Variants in SERPINI2 observed in about 807,000 individuals in gnomAD.
The protein encoded by SERPINI2 is serpin I2.
In SERPINI2, 48 loss-of-function variants were observed where a neutral mutation model predicts 47.3. The observed-to-expected ratio is 1.02, with a 90% CI of 0.81 to 1.29. SERPINI2 has a LOEUF of 1.29. SERPINI2 is among the 50% of genes most tolerant of loss of function. SERPINI2 has a pLI of 0.00. For missense variants in SERPINI2, 448 were observed against 456.9 expected (o/e 0.98, Z 0.18); for synonymous variants, 135 against 149.3 (o/e 0.90, Z 0.70).
chr3:167,457,151 A>G (rs1258492783), intron 5 of SERPINI2, among the ~76,000 whole-genome samples: 1 of 152,240 alleles, frequency 6.6e-6, no homozygotes, highest in African/African-American at 2.4e-5. Context: ...TTAAGATAAT[A>G]CTATACTTTT....
intron 8 of SERPINI2, among the ~76,000 whole-genome samples, chr3:167,444,378 A>G (rs1015218320): frequency 1.3e-5 from 2 of 152,192 alleles, no homozygotes; most frequent in Non-Finnish European, 2.9e-5. Flanking sequence ...TTTGCACAAA[A>G]GGACTGTTTG....
chr3:167,458,015 C>G (rs1227024316), intron 5 of SERPINI2, among the ~76,000 whole-genome samples: 2 of 152,220 alleles, frequency 1.3e-5, no homozygotes, highest in Non-Finnish European at 2.9e-5. Flanking sequence ...TTCTAAAACA[C>G]TGACTTAATC....
chr3:167,444,131 C>A (rs1394414916), intron 8 of SERPINI2, among the ~76,000 whole-genome samples: 1 of 152,146 alleles, frequency 6.6e-6, no homozygotes, highest in Non-Finnish European at 1.5e-5. Flanking sequence ...AACACAATAA[C>A]TTTCATTATG....
intron 5 of SERPINI2, among the ~76,000 whole-genome samples, chr3:167,456,654 C>A (rs908580993): frequency 2.0e-5 from 3 of 152,148 alleles, no homozygotes; most frequent in African/African-American, 7.2e-5. Context: ...CTGACCTCTT[C>A]TAGTATTGGC....
chr3:167,459,854 G>C (rs1295620511), intron 5 of SERPINI2, among the ~76,000 whole-genome samples: 1 of 152,118 alleles, frequency 6.6e-6, no homozygotes, highest in Non-Finnish European at 1.5e-5. Context: ...CTTGGAAATA[G>C]GAATGGGCCT....
At chr3:167,445,256 A>T (rs1280093535) in intron 8 of SERPINI2, among the ~76,000 whole-genome samples, 3 of 152,184 alleles carry the variant, frequency 2.0e-5, no homozygotes, top group Non-Finnish European at 4.4e-5. Context: ...CATCTAATAG[A>T]TTCAGATTCT....
intron 5 of SERPINI2, among the ~76,000 whole-genome samples, chr3:167,457,222 C>T (rs1749818978): frequency 1.3e-5 from 2 of 152,290 alleles, no homozygotes; most frequent in South Asian, 4.1e-4. Context: ...TCAGTGAGAA[C>T]TATAAAGCCT....
At chr3:167,454,347 C>T (rs1249724577) in intron 5 of SERPINI2, among the ~76,000 whole-genome samples, 1 of 152,204 alleles carries the variant, frequency 6.6e-6, no homozygotes, top group African/African-American at 2.4e-5. Flanking sequence ...AGAACCCTAT[C>T]TACCTGGGAA....
intron 1 of SERPINI2, among the ~76,000 whole-genome samples, chr3:167,473,520 T>G (rs1750397026): frequency 1.3e-5 from 2 of 151,646 alleles, no homozygotes; most frequent in South Asian, 4.1e-4. Flanking sequence ...GCTTTATGTA[T>G]TTGGTTTATA....
chr3:167,446,237 T>C (rs926781437), intron 8 of SERPINI2, among the ~76,000 whole-genome samples, 155 bp downstream of exon 8: 6 of 151,130 alleles, frequency 4.0e-5, no homozygotes, highest in African/African-American at 9.8e-5. Flanking sequence ...TAGGCCTCGG[T>C]CATCTCTTAA....
chr3:167,459,078 G>GTTTGTTTGTTTTTTTTTT (rs1560233541), intron 5 of SERPINI2, among the ~76,000 whole-genome samples: 6 of 139,022 alleles, frequency 4.3e-5, no homozygotes, highest in African/African-American at 1.3e-4. Flanking sequence ...GTTTTTTTTT[G>GTTTGTTTGTTTTTTTTTT]TTTTTTTTTT....
chr3:167,467,635 G>A (rs533732268), intron 2 of SERPINI2, among the ~76,000 whole-genome samples: 348 of 152,232 alleles, frequency 2.3e-3, no homozygotes, highest in Non-Finnish European at 3.4e-3. Context: ...TTTGCATAAC[G>A]TGAGCATGTG....
At chr3:167,452,713 A>G (rs1290891171) in intron 6 of SERPINI2, among the ~76,000 whole-genome samples, 1 of 152,246 alleles carries the variant, frequency 6.6e-6, no homozygotes, top group Non-Finnish European at 1.5e-5. Context: ...AAGTATAGCC[A>G]GAGTGCTTAT....
At chr3:167,462,183 C>A (rs1303722343) in intron 5 of SERPINI2, among the ~76,000 whole-genome samples, 1 of 152,204 alleles carries the variant, frequency 6.6e-6, no homozygotes, top group Non-Finnish European at 1.5e-5. Context: ...TTTTAAATTA[C>A]TTGCTATGTT....
chr3:167,467,171 T>C (rs1440110332), exon 3 of SERPINI2: 1 of 1,613,484 alleles, frequency 6.2e-7, no homozygotes. Context: ...GAGATACTGT[T>C]CTTTCACAGT....
exon 4 of SERPINI2, chr3:167,465,666 A>T (rs1750112713): frequency 6.2e-7 from 1 of 1,606,676 alleles, no homozygotes; most frequent in Non-Finnish European, 8.5e-7. Context: ...ACATGTCTTT[A>T]ATTTTTCCTA....
intron 5 of SERPINI2, among the ~76,000 whole-genome samples, chr3:167,461,326 T>C (rs1577174490): frequency 6.6e-6 from 1 of 152,198 alleles, no homozygotes; most frequent in African/African-American, 2.4e-5. Context: ...TGTAATGAGA[T>C]ACTGTAACTG....
intron 5 of SERPINI2, among the ~76,000 whole-genome samples, chr3:167,460,443 C>A (rs1328551772): frequency 6.6e-6 from 1 of 152,164 alleles, no homozygotes; most frequent in African/African-American, 2.4e-5. Flanking sequence ...GCTCAGGAAA[C>A]TTAATTCATA....
At chr3:167,445,122 A>C (rs909256908) in intron 8 of SERPINI2, among the ~76,000 whole-genome samples, 1 of 152,188 alleles carries the variant, frequency 6.6e-6, no homozygotes, top group Non-Finnish European at 1.5e-5. Context: ...AATCTCATCA[A>C]TTCTAAAACT....
Sources: allele counts gnomAD v4.1 joint callset (sites outside exome capture counted in the v4.1 genomes callset), GRCh38; gene constraint gnomAD v4.1.1; transcripts MANE v1.5; gene names NCBI Gene and HGNC (gene_info 2026-07-23, HGNC 2026-07-21).